Variants in RNF180 observed in about 807,000 individuals in gnomAD.
RNF180 encodes the protein ring finger protein 180, also known as E3 ubiquitin-protein ligase RNF180.
Under a neutral mutation model 59.2 loss-of-function variants are expected in RNF180, and 38 were observed. The ratio of observed to expected loss-of-function variants is 0.64; its 90% CI spans 0.50 to 0.84. The LOEUF is 0.84. Ranked by LOEUF, RNF180 falls within the 40% of genes least tolerant of loss-of-function variation. The pLI, the probability that RNF180 is intolerant of heterozygous loss-of-function variation, is 0.00. For missense variants in RNF180, 705 were observed against 700.9 expected, an observed-to-expected ratio of 1.01 and a Z score of -0.07; for synonymous variants, 262 against 240.3, an observed-to-expected ratio of 1.09 and a Z score of -0.84.
chr5:64,188,786 T>A (rs1486562114), intron 1 of RNF180, among the ~76,000 whole-genome samples: 1 of 152,122 alleles, frequency 6.6e-6, no homozygotes, highest in Non-Finnish European at 1.5e-5. Context: ...ACATGAGCAT[T>A]CTAATAATGG....
At chr5:64,248,260 G>A (rs10041491) in intron 5 of RNF180, among the ~76,000 whole-genome samples, 68,769 of 151,932 alleles carry the variant, frequency 0.45, 17,064 homozygotes, top group African/African-American at 0.66. Flanking sequence ...AGACAAATGG[G>A]CCTAATTAAA....
At chr5:64,364,153 G>T (rs1746359693) in intron 7 of RNF180, among the ~76,000 whole-genome samples, 1 of 151,600 alleles carries the variant, frequency 6.6e-6, no homozygotes, top group Admixed American at 6.6e-5. Context: ...GGGCATCCTT[G>T]TCTTATGTTT....
chr5:64,252,591 A>G (rs751854344), intron 5 of RNF180, among the ~76,000 whole-genome samples: 3 of 152,156 alleles, frequency 2.0e-5, no homozygotes, highest in African/African-American at 7.2e-5. Context: ...GCCTGGGAAG[A>G]TGGCAGGTCT....
intron 4 of RNF180, among the ~76,000 whole-genome samples, chr5:64,216,662 T>G (rs1335878859): frequency 6.6e-6 from 1 of 152,138 alleles, no homozygotes; most frequent in Non-Finnish European, 1.5e-5. Flanking sequence ...TATTTAAATA[T>G]TTGAATCTTA....
chr5:64,335,973 C>T (rs1290198598), intron 7 of RNF180, among the ~76,000 whole-genome samples: 1 of 152,152 alleles, frequency 6.6e-6, no homozygotes, highest in East Asian at 1.9e-4. Flanking sequence ...ATATCTCGCA[C>T]ATCTTTTGGC....
chr5:64,346,356 C>CTTTTTTTTTTTTTTTTT (rs1745554810), intron 7 of RNF180, among the ~76,000 whole-genome samples: 3 of 47,134 alleles, frequency 6.4e-5, no homozygotes, highest in Admixed American at 2.2e-4. Flanking sequence ...TTTTTCTTTT[C>CTTTTTTTTTTTTTTTTT]TTCTTTTTTT....
rs1365722581 is a variant in RNF180, at chr5:64,191,661, A to G, written c.1-9147A>G. Among the ~76,000 whole-genome samples, 4 of 152,170 alleles carry G rather than the reference A, an allele frequency of 2.6e-5. No individual in the cohort carries two copies. In the East Asian group the frequency reaches 7.7e-4, roughly 29 times the overall value. ...GTGTTTAATTGGCTTATGTTTTGCT[A>G]TTGAATTTTAGAAGATTTTTATGTT... On this transcript the variant is annotated intron_variant, in intron 1 of 7. Transcript: ENST00000389100.
intron 7 of RNF180, among the ~76,000 whole-genome samples, chr5:64,340,796 G>A (rs1387272923): frequency 6.6e-6 from 1 of 152,068 alleles, no homozygotes; most frequent in Admixed American, 6.6e-5. Flanking sequence ...GAAGCCTTTT[G>A]CTTCTATATT....
chr5:64,244,858 A>G (rs138029880), intron 5 of RNF180, among the ~76,000 whole-genome samples: 3,246 of 152,336 alleles, frequency 0.021, 107 homozygotes, highest in African/African-American at 0.068. Context: ...GGTTACCCAC[A>G]AAGGGAAGCC....
intron 5 of RNF180, among the ~76,000 whole-genome samples, chr5:64,298,419 T>C (rs1206801144): frequency 6.6e-6 from 1 of 152,006 alleles, no homozygotes; most frequent in African/African-American, 2.4e-5. Flanking sequence ...AATTTTTATA[T>C]ATGGTAAGGG....
intron 5 of RNF180, among the ~76,000 whole-genome samples, chr5:64,301,845 T>C (rs1398652890): frequency 1.3e-5 from 2 of 151,596 alleles, no homozygotes; most frequent in Non-Finnish European, 3.0e-5. Context: ...GTACATTCCA[T>C]TGCCCAAAGT....
intron 5 of RNF180, among the ~76,000 whole-genome samples, chr5:64,255,884 T>C (rs1038251639): frequency 6.6e-6 from 1 of 152,214 alleles, no homozygotes; most frequent in Admixed American, 6.5e-5. Context: ...TTTTTAATGA[T>C]TGCCATTCAA....
intron 7 of RNF180, among the ~76,000 whole-genome samples, chr5:64,338,243 G>A (rs1473384502): frequency 6.6e-6 from 1 of 152,096 alleles, no homozygotes; most frequent in Admixed American, 6.5e-5. Flanking sequence ...TCAATTTAAT[G>A]CATATGCTTT....
chr5:64,324,687 C>A (rs2112520819), intron 5 of RNF180, among the ~76,000 whole-genome samples: 1 of 152,318 alleles, frequency 6.6e-6, no homozygotes, highest in Admixed American at 6.5e-5. Context: ...TAGGCTTTGG[C>A]TCTTTCTTTG....
chr5:64,180,969 A>C (rs1282425272), intron 1 of RNF180, among the ~76,000 whole-genome samples: 1 of 152,200 alleles, frequency 6.6e-6, no homozygotes, highest in African/African-American at 2.4e-5. Flanking sequence ...CCAACAATGC[A>C]GCCTTCAGTC....
intron 5 of RNF180, among the ~76,000 whole-genome samples, chr5:64,313,310 C>T (rs994675606): frequency 6.6e-6 from 1 of 152,040 alleles, no homozygotes; most frequent in Admixed American, 6.6e-5. Context: ...CTTCCTCTCT[C>T]CCTTTACCCA....
At chr5:64,366,237 G>A (rs1746443145) in intron 7 of RNF180, among the ~76,000 whole-genome samples, 1 of 151,430 alleles carries the variant, frequency 6.6e-6, no homozygotes. Flanking sequence ...GTTTAGTTTG[G>A]CCATATATGA....
At chr5:64,362,819 T>C (rs1415319256) in intron 7 of RNF180, among the ~76,000 whole-genome samples, 1 of 151,900 alleles carries the variant, frequency 6.6e-6, no homozygotes, top group East Asian at 1.9e-4. Flanking sequence ...GTGGTTTTGA[T>C]TTGCATTTCT....
intron 1 of RNF180, among the ~76,000 whole-genome samples, chr5:64,178,471 A>G (rs2111925045): frequency 6.6e-6 from 1 of 152,312 alleles, no homozygotes; most frequent in Non-Finnish European, 1.5e-5. Flanking sequence ...AGCAAAGAAT[A>G]TCCAGCACTG....
Sources: allele counts gnomAD v4.1 joint callset (sites outside exome capture counted in the v4.1 genomes callset), GRCh38; gene constraint gnomAD v4.1.1; transcripts MANE v1.5; gene names NCBI Gene and HGNC (gene_info 2026-07-23, HGNC 2026-07-21).